LNX1: variants seen among roughly 807,000 people sequenced by gnomAD.
LNX1 encodes ligand of numb-protein X 1, also known as E3 ubiquitin-protein ligase LNX.
In LNX1, 54 loss-of-function variants were observed where a neutral mutation model predicts 68.4. The observed-to-expected ratio is 0.79, with a 90% CI of 0.63 to 0.99. The LOEUF is 0.99. Among genes scored for constraint, LNX1 ranks in the 50% least tolerant of loss-of-function variants. The probability of loss-of-function intolerance (pLI) is 0.00; values close to 1 mark genes in which losing one functional copy is unlikely to be tolerated. For missense variants in LNX1, 906 were observed against 926.4 expected, an observed-to-expected ratio of 0.98 and a Z score of 0.29; for synonymous variants, 336 against 350.0, an observed-to-expected ratio of 0.96 and a Z score of 0.45.
chr4:53,492,518 A>AGAGAGAGAGG (rs1724759423), intron 6 of LNX1, among the ~76,000 whole-genome samples: 1 of 150,016 alleles, frequency 6.7e-6, no homozygotes, highest in Non-Finnish European at 1.5e-5. Flanking sequence ...AGAGAGAGAG[A>AGAGAGAGAGG]GAGAGAGAGA....
chr4:53,510,022 T>A (rs1726210375), intron 2 of LNX1, among the ~76,000 whole-genome samples: 1 of 152,234 alleles, frequency 6.6e-6, no homozygotes, highest in Non-Finnish European at 1.5e-5. Flanking sequence ...ATATTCATTG[T>A]TAGAAGCAGA....
At chr4:53,616,372 T>TG (rs1639612108) in intron 2 of LNX1, 1 of 152,256 alleles carries the variant, frequency 6.6e-6, no homozygotes, top group African/African-American at 2.4e-5. Flanking sequence ...TTCAGTGTCC[T>TG]GCGCCTGGGT....
At chr4:53,594,886 A>T (rs1038556964), upstream of LNX1, among the ~76,000 whole-genome samples, 3 of 151,332 alleles carry the variant, frequency 2.0e-5, no homozygotes, top group African/African-American at 7.3e-5. Flanking sequence ...TAGTTTTTAA[A>T]TTTTTTCTAG....
At chr4:53,614,126 T>G (rs1733598731) in intron 2 of LNX1, among the ~76,000 whole-genome samples, 1 of 152,222 alleles carries the variant, frequency 6.6e-6, no homozygotes, top group Non-Finnish European at 1.5e-5. Context: ...TTTTGAGAAG[T>G]GTCTGTTCAT....
chr4:53,576,632 A>G (rs1731503420), intron 1 of LNX1, among the ~76,000 whole-genome samples: 1 of 143,036 alleles, frequency 7.0e-6, no homozygotes. Flanking sequence ...AATAAATAAT[A>G]AAAATAAATT....
chr4:53,496,098 C>T lies in LNX1; in HGVS notation c.1275G>A (p.Glu425=). 6.2e-7 allele frequency: 1 copy of T among 1,614,190 alleles called. No individual in the cohort carries two copies. The highest frequency in any genetic ancestry group is 8.5e-7 in the Non-Finnish European group (1 of 1,180,032). ...GVAYRHGQLE[E]NDRVLAINGH... ...CATTGATGGCTAACACACGGTCATT[C>T]TCCTCAAGCTGACCATGTCGATATG... The change falls in exon 6 of 11, where the codon GAG becomes GAA. Residue 425 remains glutamate, a synonymous_variant. Coordinates refer to ENST00000263925, the MANE Select transcript of LNX1 (RefSeq NM_001126328.3).
chr4:53,645,934 A>G (rs1028050044), intron 1 of LNX1, among the ~76,000 whole-genome samples: 1 of 152,212 alleles, frequency 6.6e-6, no homozygotes, highest in Non-Finnish European at 1.5e-5. Flanking sequence ...TATAAAGCTG[A>G]TATACTCAAT....
chr4:53,557,812 G>A (rs1275054387), intron 2 of LNX1: 12 of 1,593,600 alleles, frequency 7.5e-6, no homozygotes, highest in African/African-American at 5.5e-5. Flanking sequence ...GAATGGACTC[G>A]GGTCCCACCC....
chr4:53,567,887 A>G (rs1730816544), intron 2 of LNX1, among the ~76,000 whole-genome samples: 1 of 152,122 alleles, frequency 6.6e-6, no homozygotes, highest in Non-Finnish European at 1.5e-5. Context: ...AATAAACTAG[A>G]AAATCTAGAA....
intron 2 of LNX1, among the ~76,000 whole-genome samples, chr4:53,514,322 T>C (rs1422484673): frequency 4.6e-5 from 7 of 152,222 alleles, no homozygotes; most frequent in African/African-American, 1.7e-4. Flanking sequence ...CATGGGGTTG[T>C]ATTAGTCCAT....
rs147540641 is a variant in LNX1, at chr4:53,646,972, G to A, written c.-215+5196C>T. On this transcript the variant is annotated intron_variant, in intron 1 of 2. Coordinates refer to the LNX1 transcript ENST00000507168. ...GAAGTGGAGGAAGCTGTAAAAGGCA[G>A]GAAGTGTCCCGGCAGCCAGAGCTGG... Among the ~76,000 whole-genome samples the A allele has an allele frequency of 4.1e-4, 62 of 152,344 alleles. No individual in the cohort carries two copies. The East Asian group carries it at 0.01, about 26-fold the overall frequency.
rs376318327 is a variant in LNX1, at chr4:53,509,996, G to C, written c.381-1769C>G. ...GAAAGCCTCAAAAACAGAACAATTGGATATTGATGAAGTACATATTCATTG... is the reference window on the plus strand; with the variant it reads ...GAAAGCCTCAAAAACAGAACAATTGCATATTGATGAAGTACATATTCATTG... On this transcript the variant is annotated intron_variant, in intron 2 of 10. Coordinates refer to ENST00000263925, the MANE Select transcript of LNX1 (RefSeq NM_001126328.3). Among the ~76,000 whole-genome samples the C allele has an allele frequency of 3.3e-5, 5 of 152,304 alleles. No individual in the cohort carries two copies. In the East Asian group the frequency reaches 7.7e-4, roughly 23 times the overall value.
chr4:53,585,756 C>G (rs986618379), intron 1 of LNX1, among the ~76,000 whole-genome samples: 1 of 152,140 alleles, frequency 6.6e-6, no homozygotes, highest in African/African-American at 2.4e-5. Flanking sequence ...TCTCCTGGAG[C>G]CTTCAGAGGA....
chr4:53,534,515 G>T (rs1728234224), intron 2 of LNX1, among the ~76,000 whole-genome samples: 1 of 152,152 alleles, frequency 6.6e-6, no homozygotes, highest in Non-Finnish European at 1.5e-5. Flanking sequence ...TTGAGGACAT[G>T]CTTGTAGGCC....
intron 1 of LNX1, among the ~76,000 whole-genome samples, chr4:53,632,014 G>T (rs1577814414): frequency 6.6e-6 from 1 of 152,126 alleles, no homozygotes; most frequent in Non-Finnish European, 1.5e-5. Flanking sequence ...GAGAAGGAGC[G>T]GCCAAAGCTC....
At chr4:53,588,232 A>C (rs1284222338) in intron 1 of LNX1, among the ~76,000 whole-genome samples, 2 of 152,172 alleles carry the variant, frequency 1.3e-5, no homozygotes, top group Admixed American at 1.3e-4. Flanking sequence ...TAAGGAACTT[A>C]TTTAGGCTAG....
At chr4:53,570,629 T>C (rs1021339879) in intron 2 of LNX1, among the ~76,000 whole-genome samples, 4 of 151,256 alleles carry the variant, frequency 2.6e-5, no homozygotes, top group African/African-American at 9.7e-5. Flanking sequence ...CTAACCTGCG[T>C]AATGTGCACA....
chr4:53,486,884 A>G (rs1047130826), intron 6 of LNX1, among the ~76,000 whole-genome samples: 1 of 151,936 alleles, frequency 6.6e-6, no homozygotes, highest in Non-Finnish European at 1.5e-5. Flanking sequence ...GCATTGCATG[A>G]ATCCATACAG....
chr4:53,557,922 G>C (rs1443142510), intron 2 of LNX1: 1 of 1,613,470 alleles, frequency 6.2e-7, no homozygotes, highest in Non-Finnish European at 8.5e-7. Context: ...AATGTAGTTA[G>C]CAGGACTGAG....
Sources: gnomAD v4.1 joint callset for allele counts (sites outside exome capture counted in the v4.1 genomes callset) on GRCh38, gnomAD v4.1.1 for gene constraint, MANE v1.5 for transcripts, NCBI Gene and HGNC (gene_info 2026-07-23, HGNC 2026-07-21) for gene names.